ISM1: variants seen among roughly 807,000 people sequenced by gnomAD.
ISM1 encodes the protein isthmin-1.
ISM1 carries 25 observed loss-of-function variants against 46.3 expected under a neutral mutation model. The ratio of observed to expected loss-of-function variants is 0.54; its 90% CI spans 0.39 to 0.75. ISM1 has a LOEUF of 0.75. Ranked by LOEUF, ISM1 falls within the 30% of genes least tolerant of loss-of-function variation. The probability of loss-of-function intolerance (pLI) is 0.00; values close to 1 mark genes in which losing one functional copy is unlikely to be tolerated. For synonymous variants in ISM1, 255 were observed against 256.7 expected, an observed-to-expected ratio of 0.99 and a Z score of 0.06; for missense variants, 536 against 625.4, an observed-to-expected ratio of 0.86 and a Z score of 1.52.
chr20:13,265,918 C>G (rs1264285887), intron 1 of ISM1, among the ~76,000 whole-genome samples: 1 of 152,180 alleles, frequency 6.6e-6, no homozygotes, highest in Non-Finnish European at 1.5e-5. Flanking sequence ...AGCCCACCAT[C>G]TGTCCAGTCA....
At chr20:13,298,381 G>T (rs1481555609) in intron 5 of ISM1, among the ~76,000 whole-genome samples, 1 of 152,174 alleles carries the variant, frequency 6.6e-6, no homozygotes, top group African/African-American at 2.4e-5. Context: ...CTCCCAAAGT[G>T]CTGGGATTAC....
chr20:13,278,907 T>C (rs1186651242), intron 2 of ISM1, among the ~76,000 whole-genome samples: 1 of 152,182 alleles, frequency 6.6e-6, no homozygotes, highest in African/African-American at 2.4e-5. Flanking sequence ...TCTACACATG[T>C]AGTGGTCTAG....
intron 1 of ISM1, among the ~76,000 whole-genome samples, chr20:13,249,835 G>A (rs2039847337): frequency 7.4e-6 from 1 of 135,072 alleles, no homozygotes; most frequent in Non-Finnish European, 1.6e-5. Context: ...GTTTTGTTTT[G>A]TTTCCTGGCA....
In ISM1 at chr20:13,299,229, G is replaced by A. The variant is rs747404530; in HGVS notation, c.1165G>A (p.Asp389Asn). The A allele has an allele frequency of 1.2e-6, 2 of 1,601,334 alleles. No homozygotes were observed. Residue 389 changes from aspartate (D) to asparagine (N), a missense_variant, in exon 6 of 6, where the codon GAC (aspartate) becomes AAC (asparagine). Coordinates refer to ENST00000262487, the MANE Select transcript of ISM1 (RefSeq NM_080826.2). The surrounding 1 kb of genome is among the most constrained non-coding windows in gnomAD (Gnocchi z 5.8). ...GGCGGCACAGCACTGCTGCTACGGC[G>A]ACAACATGCAGCTCATCACCAGGGG... ...TLAAQHCCYG[D>N]NMQLITRGKG...
At chr20:13,274,226 G>A (rs945373904) in intron 2 of ISM1, among the ~76,000 whole-genome samples, 26 of 152,144 alleles carry the variant, frequency 1.7e-4, no homozygotes, top group Non-Finnish European at 2.9e-4. Context: ...GATGGTTTCC[G>A]TGTTGGCAGC....
At chr20:13,294,445 A>G (rs1316677275) in intron 5 of ISM1, among the ~76,000 whole-genome samples, 2 of 152,234 alleles carry the variant, frequency 1.3e-5, no homozygotes, top group Non-Finnish European at 2.9e-5. Context: ...CATTCTTCTG[A>G]GACAGAAAGT....
At chr20:13,317,948 A>G in the ISM1 span, among the ~76,000 whole-genome samples, 44 of 149,900 alleles carry the variant, frequency 2.9e-4, no homozygotes, top group African/African-American at 9.7e-4. Context: ...GGTAAGCTGG[A>G]CTTCATTAAA....
intron 3 of ISM1, among the ~76,000 whole-genome samples, chr20:13,280,397 C>A (rs1423650700): frequency 1.3e-5 from 2 of 148,696 alleles, no homozygotes; most frequent in Non-Finnish European, 3.0e-5. Context: ...AGTAACCCCC[C>A]CCCCCCAATA....
Position 13,299,563 on chromosome 20 carries a change from A to G in ISM1, c.*104A>G. 1 of 995,058 alleles carries G rather than the reference A, an allele frequency of 1.0e-6. No homozygotes were observed. Among genetic ancestry groups the G allele is most frequent in the Non-Finnish European group, 1.5e-6 (1 of 669,610 alleles). 61.6% of individuals were successfully genotyped at this position (995,058 alleles called of 1,614,324 possible). ...GAGACCTTCATAGCTGCGGTCGTGT[A>G]TATTTGTATATACCACATGAGTATT... is the stretch of plus-strand genomic sequence containing the variant. On this transcript the variant is annotated 3_prime_UTR_variant, in exon 6 of 6. Coordinates refer to ENST00000262487, the MANE Select transcript of ISM1 (RefSeq NM_080826.2). This position sits in a 1 kb window ranked among gnomAD's most constrained non-coding sequence, Gnocchi z 5.8.
chr20:13,309,390 T>C, the ISM1 span, among the ~76,000 whole-genome samples: 1 of 152,010 alleles, frequency 6.6e-6, no homozygotes, highest in Non-Finnish European at 1.5e-5. Flanking sequence ...TAATAAAAAC[T>C]CTCAATGAAT....
chr20:13,272,887 T>G (rs1431599669), intron 2 of ISM1, among the ~76,000 whole-genome samples: 1 of 152,192 alleles, frequency 6.6e-6, no homozygotes, highest in African/African-American at 2.4e-5. Flanking sequence ...ATCCCAAGGG[T>G]GTTTAGGCCA....
chr20:13,296,295 G>A (rs1441671008), intron 5 of ISM1, among the ~76,000 whole-genome samples: 1 of 152,134 alleles, frequency 6.6e-6, no homozygotes, highest in Admixed American at 6.5e-5. Flanking sequence ...GAATGCACAG[G>A]GCATTCCTAG....
the ISM1 span, among the ~76,000 whole-genome samples, chr20:13,311,941 C>CA: frequency 0.014 from 2,141 of 151,646 alleles, 46 homozygotes; most frequent in African/African-American, 0.049. Context: ...TAAATATTCT[C>CA]AAAAAAAATG....
intron 1 of ISM1, among the ~76,000 whole-genome samples, chr20:13,227,551 C>T (rs2039540516): frequency 6.9e-6 from 1 of 144,900 alleles, no homozygotes; most frequent in African/African-American, 2.6e-5. Context: ...CTCTGTCACC[C>T]AGGCTGGAGT....
Position 13,276,643 on chromosome 20 carries a change from C to T in ISM1, c.379-2991C>T, listed in dbSNP as rs369571743. On this transcript the variant is annotated intron_variant, in intron 2 of 5. Coordinates refer to ENST00000262487, the MANE Select transcript of ISM1 (RefSeq NM_080826.2). ...TATGTGTGTTAAGGATGAGAAAGGA[C>T]GGTAAGATCTAGAGACTTTGTCAGT... Among the ~76,000 whole-genome samples the T allele has an allele frequency of 2.5e-4, 38 of 151,474 alleles. 1 individual carries two copies. Among genetic ancestry groups the T allele is most frequent in the African/African-American group, 4.9e-4 (20 of 40,966 alleles).
chr20:13,225,067 A>G (rs573572167), intron 1 of ISM1, among the ~76,000 whole-genome samples: 26 of 149,844 alleles, frequency 1.7e-4, no homozygotes, highest in African/African-American at 6.1e-4. Context: ...GTTAGCCAGG[A>G]TGGTCTCACT....
chr20:13,296,353 G>A (rs2040406937), intron 5 of ISM1, among the ~76,000 whole-genome samples: 1 of 152,110 alleles, frequency 6.6e-6, no homozygotes, highest in Non-Finnish European at 1.5e-5. Context: ...GGGAGCTGGT[G>A]GATAAAAACT....
intron 1 of ISM1, among the ~76,000 whole-genome samples, chr20:13,241,226 T>C (rs933934625): frequency 1.3e-5 from 2 of 152,148 alleles, no homozygotes; most frequent in Admixed American, 1.3e-4. Flanking sequence ...CTCCAGTGTC[T>C]ATTGGGTAAA....
chr20:13,322,308 C>A, the ISM1 span, among the ~76,000 whole-genome samples: 1 of 152,154 alleles, frequency 6.6e-6, no homozygotes, highest in African/African-American at 2.4e-5. Flanking sequence ...CCAGACCTAG[C>A]TTAAAGAGAT....
Sources: allele counts gnomAD v4.1 joint callset (sites outside exome capture counted in the v4.1 genomes callset), GRCh38; gene constraint gnomAD v4.1.1; non-coding constraint Gnocchi (gnomAD v3.1); transcripts MANE v1.5; gene names NCBI Gene and HGNC (gene_info 2026-07-23, HGNC 2026-07-21).